The following DAPK1 variants were observed in gnomAD, a reference collection of about 807,000 sequenced individuals.
The protein encoded by DAPK1 is death-associated protein kinase 1.
Under a neutral mutation model 144.9 loss-of-function variants are expected in DAPK1, and 56 were observed. The ratio of observed to expected loss-of-function variants is 0.39; its 90% CI spans 0.31 to 0.48. The LOEUF (loss-of-function observed/expected upper bound fraction) is 0.48. Ranked by LOEUF, DAPK1 falls within the 20% of genes least tolerant of loss-of-function variation. The pLI is 0.95. For missense variants in DAPK1, 1,454 were observed against 1,875.4 expected (o/e 0.78, Z 4.15); for synonymous variants, 690 against 749.0 (o/e 0.92, Z 1.29).
chr9:87,572,297 C>T (rs1316709061), intron 2 of DAPK1, among the ~76,000 whole-genome samples: 1 of 152,126 alleles, frequency 6.6e-6, no homozygotes, highest in Non-Finnish European at 1.5e-5. Flanking sequence ...AGTATTTAGA[C>T]CGGGTTCTAT....
At chr9:87,698,244 C>T (rs1361369019) in intron 22 of DAPK1, among the ~76,000 whole-genome samples, 2 of 152,132 alleles carry the variant, frequency 1.3e-5, no homozygotes, top group Admixed American at 1.3e-4. Context: ...GTGGGAGGCT[C>T]TTTGTGTGAC....
intron 25 of DAPK1, among the ~76,000 whole-genome samples, chr9:87,704,483 C>T (rs936137937): frequency 6.6e-6 from 1 of 152,182 alleles, no homozygotes. Flanking sequence ...CCCGGGCCTC[C>T]TCCAGACCTG....
At chr9:87,681,199 A>C (rs2119333184) in intron 19 of DAPK1, among the ~76,000 whole-genome samples, 1 of 151,334 alleles carries the variant, frequency 6.6e-6, no homozygotes, top group South Asian at 2.1e-4. Flanking sequence ...AATCGCTTGA[A>C]CCCAGAAGGC....
chr9:87,613,791 T>C (rs1829007069), intron 3 of DAPK1, among the ~76,000 whole-genome samples: 1 of 152,242 alleles, frequency 6.6e-6, no homozygotes, highest in Admixed American at 6.5e-5. Context: ...TCTGCTTCTC[T>C]CTGGGCGCTC....
At chr9:87,590,992 CT>C (rs1417742169) in intron 2 of DAPK1, among the ~76,000 whole-genome samples, 34 of 152,210 alleles carry the variant, frequency 2.2e-4, no homozygotes, top group African/African-American at 8.0e-4. Context: ...CTGCGTTATC[CT>C]TTCAAGGGCC....
intron 2 of DAPK1, among the ~76,000 whole-genome samples, chr9:87,572,080 A>G (rs928206802): frequency 6.6e-6 from 1 of 152,264 alleles, no homozygotes; most frequent in Non-Finnish European, 1.5e-5. Context: ...CTTGCTCAGC[A>G]TTGGCAACTC....
intron 1 of DAPK1, chr9:87,498,723 C>T (rs1258854345): frequency 1.4e-5 from 6 of 431,546 alleles, no homozygotes; most frequent in African/African-American, 4.0e-5. Flanking sequence ...CCCAACAGAC[C>T]GCCCAGCGTT....
intron 19 of DAPK1, among the ~76,000 whole-genome samples, chr9:87,681,133 C>T (rs537442583): frequency 6.6e-6 from 1 of 152,198 alleles, no homozygotes; most frequent in African/African-American, 2.4e-5. Flanking sequence ...ACAAAATTAG[C>T]TGGGCATGGT....
chr9:87,502,924 T>C (rs1022185083), intron 2 of DAPK1, among the ~76,000 whole-genome samples: 3 of 152,130 alleles, frequency 2.0e-5, no homozygotes, highest in Non-Finnish European at 4.4e-5. Flanking sequence ...ATGATCAATA[T>C]TGGGATTAAT....
In DAPK1 at chr9:87,585,522, T is replaced by C. The variant is rs115887267; in HGVS notation, c.63-19432T>C. ...TATTCACATCATTTTAAGAAAATTA[T>C]CCAGAATACACAGTCTGGGTCTCTA... is the stretch of plus-strand genomic sequence containing the variant. On this transcript the variant is annotated intron_variant, in intron 2 of 25. Coordinates refer to ENST00000408954, the MANE Select transcript of DAPK1 (RefSeq NM_004938.4). 5.9e-3 allele frequency among the ~76,000 whole-genome samples: 905 copies of C among 152,338 alleles called. 7 individuals carry two copies. The highest frequency in any genetic ancestry group is 0.021 in the African/African-American group (854 of 41,568).
intron 3 of DAPK1, chr9:87,632,615 G>A: frequency 1.0e-6 from 1 of 981,134 alleles, no homozygotes; most frequent in Non-Finnish European, 1.2e-6. Flanking sequence ...TAGGAATGAA[G>A]GGTGATCAGT....
At chr9:87,505,908 G>C (rs1177482808) in intron 2 of DAPK1, among the ~76,000 whole-genome samples, 1 of 152,058 alleles carries the variant, frequency 6.6e-6, no homozygotes, top group Non-Finnish European at 1.5e-5. Flanking sequence ...GGCTGGTCTT[G>C]AACTCCTGAC....
At position 87,639,334 on chromosome 9, in the gene DAPK1, ATC is replaced by A. The variant is rs1318354526; in HGVS notation, c.424-12_424-11del. The A allele has an allele frequency of 3.2e-6, 5 of 1,553,060 alleles. No homozygotes were observed. Among genetic ancestry groups the A allele is most frequent in the Non-Finnish European group, 3.5e-6 (4 of 1,157,760 alleles). Reference sequence around the variant, plus strand: ...CATAACATATCATAGCTTTTTATTTATCTCTCTCTTTTTTTCAAGCCTGAGAA... The same window carrying A: ...CATAACATATCATAGCTTTTTATTTATCTCTCTTTTTTTCAAGCCTGAGAA... On this transcript the variant is annotated intron_variant, in intron 4 of 25. Transcript: ENST00000408954.
chr9:87,638,779 G>T lies in DAPK1; in HGVS notation c.424-575G>T, dbSNP rs564716089. ...ATTTTCCCCATTCTTCTGTAGCAGA[G>T]CTGTCAATGTCCCATTCATGTCCCT... On this transcript the variant is annotated intron_variant, in intron 4 of 25. Coordinates refer to ENST00000408954, the MANE Select transcript of DAPK1 (RefSeq NM_004938.4). Among the ~76,000 whole-genome samples, 10 of 152,326 alleles carry T rather than the reference G, an allele frequency of 6.6e-5. No homozygotes were observed. In the East Asian group the frequency reaches 1.4e-3, roughly 21 times the overall value.
At chr9:87,534,258 G>GT (rs5899004) in intron 2 of DAPK1, among the ~76,000 whole-genome samples, 89,345 of 145,422 alleles carry the variant, frequency 0.61, 28,099 homozygotes, top group African/African-American at 0.76. Flanking sequence ...TTTTTTTTTT[G>GT]TTTTTTTTTT....
chr9:87,581,601 G>A (rs1387481451), intron 2 of DAPK1, among the ~76,000 whole-genome samples: 1 of 152,190 alleles, frequency 6.6e-6, no homozygotes, highest in Non-Finnish European at 1.5e-5. Context: ...CGTTTGGGTT[G>A]TAAATTGGAA....
chr9:87,695,262 A>G (rs981302875), intron 21 of DAPK1, among the ~76,000 whole-genome samples: 1 of 152,200 alleles, frequency 6.6e-6, no homozygotes, highest in Non-Finnish European at 1.5e-5. Flanking sequence ...CTCCTGCTTC[A>G]CTACAAGTCT....
rs566501060 is a variant in DAPK1 at position 87,686,212 on chromosome 9, C to A, written c.2225-339C>A. Among the ~76,000 whole-genome samples, 8 of 152,324 alleles carry A rather than the reference C, an allele frequency of 5.3e-5. No homozygotes were observed. Among genetic ancestry groups the A allele is most frequent in the South Asian group, 4.1e-4 (2 of 4,822 alleles). ...GGAAGTGAGAAGGGAAGAAACCCGA[C>A]CTCTGCCCTCCCACCCTCTCCACAG... On this transcript the variant is annotated intron_variant, in intron 20 of 25. Transcript: ENST00000408954. The surrounding 1 kb of genome is among the most constrained non-coding windows in gnomAD (Gnocchi z 4.2).
chr9:87,541,711 A>G (rs564911899), intron 2 of DAPK1, among the ~76,000 whole-genome samples: 10 of 152,212 alleles, frequency 6.6e-5, no homozygotes, highest in Non-Finnish European at 1.3e-4. Flanking sequence ...ACTGAAGACA[A>G]CAATTAAGAA....
Sources: gnomAD v4.1 joint callset for allele counts (sites outside exome capture counted in the v4.1 genomes callset) on GRCh38, gnomAD v4.1.1 for gene constraint, Gnocchi (gnomAD v3.1) non-coding constraint, MANE v1.5 for transcripts, NCBI Gene and HGNC (gene_info 2026-07-23, HGNC 2026-07-21) for gene names.